TENM3: variants seen among roughly 807,000 people sequenced by gnomAD.
TENM3 encodes teneurin-3.
TENM3 carries 63 observed loss-of-function variants against 255.1 expected under a neutral mutation model. The observed-to-expected ratio is 0.25, with a 90% CI of 0.20 to 0.30. The LOEUF (loss-of-function observed/expected upper bound fraction) is 0.30. Among genes scored for constraint, TENM3 ranks in the 10% least tolerant of loss-of-function variants. TENM3 has a pLI of 1.00. For missense variants in TENM3, 2,929 were observed against 3,461.1 expected (o/e 0.85, Z 3.86); for synonymous variants, 1,306 against 1,322.3 (o/e 0.99, Z 0.27).
chr4:182,456,977 G>A (rs1165350295), intron 3 of TENM3, among the ~76,000 whole-genome samples: 2 of 152,134 alleles, frequency 1.3e-5, no homozygotes, highest in African/African-American at 4.8e-5. Context: ...CAGGTCAGGA[G>A]TTCAAGACCA....
chr4:181,516,416 C>G, the TENM3 span, among the ~76,000 whole-genome samples: 1 of 149,774 alleles, frequency 6.7e-6, no homozygotes, highest in African/African-American at 2.5e-5. Flanking sequence ...GAATCAGACC[C>G]AAAATCACAT....
At chr4:182,383,957 T>C (rs1020969169) in intron 3 of TENM3, among the ~76,000 whole-genome samples, 4 of 152,204 alleles carry the variant, frequency 2.6e-5, no homozygotes, top group Non-Finnish European at 5.9e-5. Context: ...CGTATTTCTG[T>C]GCATGCACAG....
chr4:182,027,150 A>G, the TENM3 span, among the ~76,000 whole-genome samples: 19,868 of 151,962 alleles, frequency 0.13, 1,469 homozygotes, highest in Non-Finnish European at 0.17. Context: ...AGTTTTCATT[A>G]TAGAGATCTT....
At chr4:181,628,305 T>C in the TENM3 span, among the ~76,000 whole-genome samples, 1 of 152,226 alleles carries the variant, frequency 6.6e-6, no homozygotes, top group Admixed American at 6.5e-5. Context: ...CTGATGGTAG[T>C]TTCTTTTGCT....
chr4:181,998,883 A>G, the TENM3 span, among the ~76,000 whole-genome samples: 1 of 152,138 alleles, frequency 6.6e-6, no homozygotes, highest in African/African-American at 2.4e-5. Context: ...AGCTCCAACA[A>G]TTATTAGTTC....
At position 182,679,652 on chromosome 4, in the gene TENM3, C is replaced by T. The variant is rs763889062; in HGVS notation, c.1327-14C>T. ...CTTTATCTTTCTGACTATTTTTCCT[C>T]GTCCTCCCCCCAGTATGACTTCGTG... On this transcript the variant is annotated splice_polypyrimidine_tract_variant and intron_variant, in intron 7 of 27. Coordinates refer to ENST00000511685, the MANE Select transcript of TENM3 (RefSeq NM_001080477.4). 43 of 1,595,844 alleles carry T rather than the reference C, an allele frequency of 2.7e-5. No individual in the cohort carries two copies. The highest frequency in any genetic ancestry group is 3.2e-5 in the Non-Finnish European group (38 of 1,169,908).
chr4:181,699,442 CAAAAAAAAA>C, the TENM3 span, among the ~76,000 whole-genome samples: 308 of 44,068 alleles, frequency 7.0e-3, no homozygotes, highest in African/African-American at 0.018. Flanking sequence ...GACCCTGTCG[CAAAAAAAAA>C]AAAAAAAAAA....
the TENM3 span, among the ~76,000 whole-genome samples, chr4:181,978,352 T>C: frequency 6.6e-6 from 1 of 152,042 alleles, no homozygotes; most frequent in Non-Finnish European, 1.5e-5. Flanking sequence ...CAGGTTTTCT[T>C]AAAGAGCAAA....
chr4:182,362,315 A>C (rs963394597), intron 3 of TENM3, among the ~76,000 whole-genome samples: 2 of 152,054 alleles, frequency 1.3e-5, no homozygotes, highest in Non-Finnish European at 2.9e-5. Context: ...TGTGCCCTGC[A>C]CCCAGAGGTG....
chr4:181,942,683 A>T, the TENM3 span, among the ~76,000 whole-genome samples: 2 of 152,234 alleles, frequency 1.3e-5, 1 homozygote, highest in South Asian at 4.1e-4. Context: ...CTGGGAAAAA[A>T]TATTTGGCCA....
At chr4:181,518,242 TA>T in the TENM3 span, among the ~76,000 whole-genome samples, 1 of 152,002 alleles carries the variant, frequency 6.6e-6, no homozygotes, top group Non-Finnish European at 1.5e-5. Context: ...GCTTTTGTGG[TA>T]AAAAATTTGG....
At chr4:181,580,060 C>T in the TENM3 span, among the ~76,000 whole-genome samples, 13 of 151,424 alleles carry the variant, frequency 8.6e-5, no homozygotes, top group East Asian at 1.9e-4. Flanking sequence ...TGCAGTGGCG[C>T]GATCTCAACT....
chr4:181,806,200 G>C, the TENM3 span, among the ~76,000 whole-genome samples: 1 of 152,082 alleles, frequency 6.6e-6, no homozygotes, highest in Admixed American at 6.5e-5. Context: ...TCAGCTTTCT[G>C]AGCCCAGAAA....
At chr4:182,030,500 G>T in the TENM3 span, among the ~76,000 whole-genome samples, 1 of 152,150 alleles carries the variant, frequency 6.6e-6, no homozygotes, top group African/African-American at 2.4e-5. Flanking sequence ...CATTTGGGTT[G>T]ATTCCATGTT....
the TENM3 span, among the ~76,000 whole-genome samples, chr4:181,791,835 A>G: frequency 6.6e-6 from 1 of 152,230 alleles, no homozygotes; most frequent in Non-Finnish European, 1.5e-5. Context: ...TTTGACTAGT[A>G]CCAAAACATA....
the TENM3 span, among the ~76,000 whole-genome samples, chr4:181,540,195 G>A: frequency 6.6e-6 from 1 of 152,150 alleles, no homozygotes; most frequent in African/African-American, 2.4e-5. Context: ...AGGGTCCCCA[G>A]AGGCCAAAGC....
chr4:181,977,650 C>T, the TENM3 span, among the ~76,000 whole-genome samples: 1 of 152,098 alleles, frequency 6.6e-6, no homozygotes, highest in Non-Finnish European at 1.5e-5. Flanking sequence ...ACCCCTGGGT[C>T]TAAGATAGGG....
intron 3 of TENM3, among the ~76,000 whole-genome samples, chr4:182,409,541 A>G (rs1202094214): frequency 6.6e-6 from 1 of 152,122 alleles, no homozygotes; most frequent in East Asian, 1.9e-4. Context: ...CATCCTTTCC[A>G]TGTGTACATT....
chr4:181,523,040 C>T, the TENM3 span: 13 of 603,594 alleles, frequency 2.2e-5, no homozygotes, highest in African/African-American at 3.7e-5. Context: ...GAAGGGAAAT[C>T]GCAAACGGAC....
Sources: allele counts gnomAD v4.1 joint callset (sites outside exome capture counted in the v4.1 genomes callset), GRCh38; gene constraint gnomAD v4.1.1; transcripts MANE v1.5; gene names NCBI Gene and HGNC (gene_info 2026-07-23, HGNC 2026-07-21).